Variants in ALK observed in about 807,000 individuals in gnomAD.
ALK encodes the protein ALK receptor tyrosine kinase.
A neutral mutation model predicts 163.1 loss-of-function variants in ALK; 74 were observed. The ratio of observed to expected loss-of-function variants is 0.45; its 90% confidence interval spans 0.38 to 0.55. ALK has a LOEUF of 0.55. ALK is among the 20% of genes least tolerant of loss of function. The pLI is 0.00. For missense variants in ALK, 2,063 were observed against 2,105.3 expected (o/e 0.98, Z 0.39); for synonymous variants, 960 against 843.2 (o/e 1.14, Z -2.40).
chr2:29,491,788 A>G (rs916332529), intron 4 of ALK, among the ~76,000 whole-genome samples: 1 of 152,178 alleles, frequency 6.6e-6, no homozygotes, highest in East Asian at 1.9e-4. Context: ...CTAAAGGGGC[A>G]GGGAGTGCTG....
chr2:29,296,623 T>C (rs1192092031), intron 9 of ALK, among the ~76,000 whole-genome samples: 2 of 152,094 alleles, frequency 1.3e-5, no homozygotes, highest in Non-Finnish European at 1.5e-5. Context: ...ACACTGGGGG[T>C]AGCCAACCAG....
intron 3 of ALK, among the ~76,000 whole-genome samples, chr2:29,583,876 T>C (rs1430364989): frequency 6.6e-6 from 1 of 152,232 alleles, no homozygotes; most frequent in Non-Finnish European, 1.5e-5. Flanking sequence ...ACAACCTATT[T>C]ATGTATCATG....
intron 3 of ALK, among the ~76,000 whole-genome samples, chr2:29,572,580 A>G (rs904104059): frequency 2.6e-5 from 4 of 152,012 alleles, no homozygotes; most frequent in African/African-American, 9.7e-5. Context: ...GGTGGTTATT[A>G]TATTCTCATA....
intron 6 of ALK, among the ~76,000 whole-genome samples, chr2:29,325,836 C>T (rs1387881323): frequency 1.3e-5 from 2 of 152,216 alleles, no homozygotes; most frequent in Admixed American, 1.3e-4. Context: ...TTGAGAACAG[C>T]TCCTGCCTCA....
At chr2:29,454,833 T>C (rs1402642687) in intron 4 of ALK, among the ~76,000 whole-genome samples, 2 of 152,176 alleles carry the variant, frequency 1.3e-5, no homozygotes, top group African/African-American at 2.4e-5. Context: ...AATTGATACA[T>C]ATAGTTAAAA....
intron 5 of ALK, among the ~76,000 whole-genome samples, chr2:29,380,026 G>T (rs1037893123): frequency 6.6e-6 from 1 of 152,084 alleles, no homozygotes; most frequent in Admixed American, 6.5e-5. Context: ...TTGCAATCAT[G>T]GTAGAAGGCA....
At chr2:29,536,980 T>A (rs1231650207) in intron 3 of ALK, among the ~76,000 whole-genome samples, 2 of 152,218 alleles carry the variant, frequency 1.3e-5, no homozygotes, top group Non-Finnish European at 2.9e-5. Context: ...TCATGAGTGG[T>A]CTAGCTGCTT....
At chr2:29,562,509 C>T (rs556301929) in intron 3 of ALK, among the ~76,000 whole-genome samples, 1 of 152,142 alleles carries the variant, frequency 6.6e-6, no homozygotes, top group East Asian at 1.9e-4. Context: ...CAGATGGTGT[C>T]TGCCCAGGGC....
intron 4 of ALK, among the ~76,000 whole-genome samples, chr2:29,516,966 T>G (rs1200315463): frequency 6.6e-6 from 1 of 152,228 alleles, no homozygotes; most frequent in Non-Finnish European, 1.5e-5. Flanking sequence ...TCATCTACTT[T>G]CACTCACACA....
chr2:29,239,461 G>T (rs1359879366), intron 13 of ALK, among the ~76,000 whole-genome samples: 4 of 152,116 alleles, frequency 2.6e-5, no homozygotes, highest in Non-Finnish European at 5.9e-5. Flanking sequence ...GTTCCTGCTA[G>T]GATGGCCAGC....
chr2:29,246,685 C>G lies in ALK; in HGVS notation c.2204+4420G>C, dbSNP rs754276053. Among the ~76,000 whole-genome samples, 3 of 152,176 alleles carry G rather than the reference C, an allele frequency of 2.0e-5. No individual in the cohort carries two copies. Among genetic ancestry groups the G allele is most frequent in the Non-Finnish European group, 4.4e-5 (3 of 68,034 alleles). ...CACCCGACCCCACATTCACTCAGTC[C>G]TCAACTTACGCTGATCCCACCTCCT... On this transcript the variant is annotated intron_variant, in intron 12 of 28. Coordinates refer to ENST00000389048, the MANE Select transcript of ALK (RefSeq NM_004304.5). The surrounding 1 kb of genome is among the most constrained non-coding windows in gnomAD (Gnocchi z 4.3).
At chr2:29,496,178 C>A (rs764889517) in intron 4 of ALK, among the ~76,000 whole-genome samples, 3 of 152,212 alleles carry the variant, frequency 2.0e-5, no homozygotes, top group Non-Finnish European at 2.9e-5. Context: ...AAGATTATAG[C>A]TATTCAATCT....
intron 1 of ALK, among the ~76,000 whole-genome samples, chr2:29,864,849 T>C (rs1246030557): frequency 6.6e-6 from 1 of 152,144 alleles, no homozygotes; most frequent in Non-Finnish European, 1.5e-5. Flanking sequence ...TGGGAGTGTT[T>C]TTCCTAGACC....
Position 29,532,022 on chromosome 2 carries a change from G to C in ALK, c.1047C>G (p.Val349=), listed in dbSNP as rs1673133465. The C allele has an allele frequency of 6.2e-7, 1 of 1,614,194 alleles. No individual in the cohort carries two copies. The highest frequency in any genetic ancestry group is 8.5e-7 in the Non-Finnish European group (1 of 1,180,018). ...AGGGCTGCAGGTGCCTGTGCACCGA[G>C]ACGGCCAGTGTGCAGTGCTCACTGC... The part of the protein sequence containing the change: ...RSSSEHCTLA[V]SVHRHLQPSG... Residue 349 remains valine (V), a synonymous_variant, in exon 4 of 29, where the codon GTC becomes GTG. Transcript: ENST00000389048.
intron 4 of ALK, among the ~76,000 whole-genome samples, chr2:29,386,684 T>C (rs1019205287): frequency 3.3e-5 from 5 of 152,218 alleles, no homozygotes; most frequent in African/African-American, 1.2e-4. Flanking sequence ...GTTTTAGGAA[T>C]TAGTTTCTGA....
intron 1 of ALK, among the ~76,000 whole-genome samples, chr2:29,743,149 C>T (rs533197763): frequency 7.2e-5 from 11 of 152,252 alleles, no homozygotes; most frequent in Non-Finnish European, 7.4e-5. Context: ...TGGGTAGGAG[C>T]GGGGATGGAA....
At chr2:29,319,532 G>A (rs1460657682) in intron 7 of ALK, among the ~76,000 whole-genome samples, 2 of 152,150 alleles carry the variant, frequency 1.3e-5, no homozygotes, top group Non-Finnish European at 2.9e-5. Context: ...AGAGGGGGTA[G>A]TTCAGTTCTG....
At chr2:29,263,765 G>A (rs1356064963) in intron 11 of ALK, among the ~76,000 whole-genome samples, 2 of 152,170 alleles carry the variant, frequency 1.3e-5, no homozygotes, top group African/African-American at 4.8e-5. Flanking sequence ...TGAAGAAAAG[G>A]CCAAGAGGAT....
In ALK at chr2:29,789,913, G is replaced by A. The variant is rs191074812; in HGVS notation, c.668-72216C>T. On this transcript the variant is annotated intron_variant, in intron 1 of 28. Coordinates refer to ENST00000389048, the MANE Select transcript of ALK (RefSeq NM_004304.5). ...CCAGGCCTCAGTTTCCTGTTTATTT[G>A]TTGAGGATGTCAGACCAGGTAATAT... 2.0e-3 allele frequency among the ~76,000 whole-genome samples: 297 copies of A among 152,252 alleles called. 3 individuals carry two copies. The highest frequency in any genetic ancestry group is 2.1e-3 in the Non-Finnish European group (146 of 68,018).
Sources: gnomAD v4.1 joint callset for allele counts (sites outside exome capture counted in the v4.1 genomes callset) on GRCh38, gnomAD v4.1.1 for gene constraint, Gnocchi (gnomAD v3.1) non-coding constraint, MANE v1.5 for transcripts, NCBI Gene and HGNC (gene_info 2026-07-23, HGNC 2026-07-21) for gene names.